GPC3: variants seen among roughly 807,000 people sequenced by gnomAD.
The protein encoded by GPC3 is glypican 3.
A neutral mutation model predicts 34.4 loss-of-function variants in GPC3; 3 were observed. That is an observed-to-expected ratio of 0.09 (90% CI 0.04 to 0.23). GPC3 has a LOEUF of 0.23. GPC3 is among the 10% of genes least tolerant of loss of function. The pLI is 1.00. For missense variants in GPC3, 351 were observed against 445.6 expected (o/e 0.79, Z 1.91); for synonymous variants, 177 against 174.0 (o/e 1.02, Z -0.13).
intron 2 of GPC3, among the ~76,000 whole-genome samples, chrX:133,839,655 G>A (rs774521325): frequency 9.0e-6 from 1 of 110,680 alleles, no homozygotes; most frequent in East Asian, 2.8e-4. Flanking sequence ...AACAGGCCTG[G>A]CGTGGTGGCT....
chrX:133,570,278 C>T (rs7059621), intron 7 of GPC3, among the ~76,000 whole-genome samples: 5,351 of 109,675 alleles, frequency 0.049, 353 homozygotes, highest in African/African-American at 0.17. Context: ...CTCGGGTCAC[C>T]GCAACCTCCG....
At chrX:133,712,843 C>G (rs2071283127) in intron 3 of GPC3, among the ~76,000 whole-genome samples, 1 of 110,865 alleles carries the variant, frequency 9.0e-6, no homozygotes, top group Admixed American at 9.6e-5. Context: ...CGAGATCACA[C>G]CACTGCACTC....
At chrX:133,684,511 G>A (rs149363590) in intron 5 of GPC3, among the ~76,000 whole-genome samples, 1,523 of 111,708 alleles carry the variant, frequency 0.014, 25 homozygotes, top group African/African-American at 0.045. Context: ...TCTGACTTAT[G>A]CCTGAATCAA....
At chrX:133,924,453 C>T (rs915055544) in intron 2 of GPC3, among the ~76,000 whole-genome samples, 1 of 111,869 alleles carries the variant, frequency 8.9e-6, no homozygotes, top group African/African-American at 3.2e-5. Flanking sequence ...CTCCAATTCA[C>T]CCCCAATTCT....
In GPC3 at chrX:133,671,243, C is replaced by T. The variant is rs949548951; in HGVS notation, c.1293-9393G>A. 4.4e-6 allele frequency: 5 copies of T among 1,124,754 alleles called. No homozygotes were observed. The South Asian group carries it at 7.3e-5, about 16-fold the overall frequency. The allele number at this position is 1,124,754 out of a possible 1,213,427, so 92.7% of individuals were successfully genotyped here. A position where few individuals can be genotyped will look rare whatever the true frequency, so the allele number is the denominator to read the frequency against. The stretch of plus-strand genomic sequence containing the variant: ...CCTGGATTATGCAAAGAAAAATGAA[C>T]CCAAACATAGACTTGCAAGACATGG... On this transcript the variant is annotated intron_variant, in intron 5 of 7. Coordinates refer to ENST00000370818, the MANE Select transcript of GPC3 (RefSeq NM_004484.4).
At chrX:133,569,160 C>T (rs183575395) in intron 7 of GPC3, among the ~76,000 whole-genome samples, 96 of 111,347 alleles carry the variant, frequency 8.6e-4, no homozygotes, top group African/African-American at 3.0e-3. Flanking sequence ...AAAGTGAGAC[C>T]TTGTCTCACA....
chrX:133,846,625 C>T, intron 2 of GPC3, among the ~76,000 whole-genome samples: 1 of 111,495 alleles, frequency 9.0e-6, no homozygotes, highest in East Asian at 2.8e-4. Flanking sequence ...CATGAAAAGG[C>T]AGAACTCACT....
chrX:133,561,138 A>T (rs2069536999), intron 7 of GPC3, among the ~76,000 whole-genome samples: 1 of 112,517 alleles, frequency 8.9e-6, no homozygotes, highest in African/African-American at 3.2e-5. Flanking sequence ...ATTTTAAAAT[A>T]CCAACTCACC....
intron 3 of GPC3, among the ~76,000 whole-genome samples, chrX:133,703,561 C>T (rs974538121): frequency 1.8e-5 from 2 of 108,401 alleles, no homozygotes; most frequent in African/African-American, 6.8e-5. Context: ...CCTGGGTTCA[C>T]GCCATTCTCC....
At chrX:133,687,184 C>T (rs1016258655) in intron 5 of GPC3, among the ~76,000 whole-genome samples, 11 of 99,203 alleles carry the variant, frequency 1.1e-4, no homozygotes, top group Admixed American at 2.2e-4. Flanking sequence ...CCTCGTGATC[C>T]GCCTGCCTCG....
At chrX:133,748,848 G>A (rs2071633301) in intron 3 of GPC3, among the ~76,000 whole-genome samples, 1 of 111,703 alleles carries the variant, frequency 9.0e-6, no homozygotes. Flanking sequence ...GCCACTAATT[G>A]CCTGTGGAAC....
intron 7 of GPC3, among the ~76,000 whole-genome samples, chrX:133,554,852 C>G (rs964131159): frequency 1.8e-5 from 2 of 111,947 alleles, no homozygotes; most frequent in African/African-American, 3.3e-5. Flanking sequence ...TTACTCCATT[C>G]ATGAGTTGCA....
chrX:133,845,796 T>C (rs1257018178), intron 2 of GPC3, among the ~76,000 whole-genome samples: 1 of 112,254 alleles, frequency 8.9e-6, no homozygotes, highest in Non-Finnish European at 1.9e-5. Context: ...CTCACAGTTT[T>C]AATGAGATCC....
At chrX:133,863,859 G>T (rs1473647909) in intron 2 of GPC3, among the ~76,000 whole-genome samples, 1 of 103,838 alleles carries the variant, frequency 9.6e-6, no homozygotes, top group African/African-American at 3.6e-5. Flanking sequence ...GTTTCACCTT[G>T]TTAGCCAGGA....
At chrX:133,577,381 C>T (rs767634550) in intron 7 of GPC3, among the ~76,000 whole-genome samples, 36 of 112,424 alleles carry the variant, frequency 3.2e-4, no homozygotes, top group Non-Finnish European at 5.3e-4. Flanking sequence ...CATACACATA[C>T]ATACCCATAG....
chrX:133,674,988 G>A (rs1462311519), intron 5 of GPC3, among the ~76,000 whole-genome samples: 1 of 111,485 alleles, frequency 9.0e-6, no homozygotes, highest in Non-Finnish European at 1.9e-5. Flanking sequence ...ACGTTTGGGA[G>A]AGAGGCAAGT....
chrX:133,698,197 G>A (rs765869825), intron 4 of GPC3, among the ~76,000 whole-genome samples: 2 of 112,213 alleles, frequency 1.8e-5, no homozygotes, highest in African/African-American at 3.2e-5. Context: ...GGGCAAAGAA[G>A]GGAGAAGCTG....
intron 7 of GPC3, among the ~76,000 whole-genome samples, chrX:133,596,080 G>A (rs2069911523): frequency 9.0e-6 from 1 of 111,345 alleles, no homozygotes; most frequent in Non-Finnish European, 1.9e-5. Flanking sequence ...GGGGGTTTAT[G>A]GTACAGGTTA....
chrX:133,676,488 A>G (rs938899160), intron 5 of GPC3, among the ~76,000 whole-genome samples: 4 of 112,291 alleles, frequency 3.6e-5, no homozygotes, highest in African/African-American at 1.3e-4. Context: ...CAGCAATAAC[A>G]TAACATGAAA....
Sources: gnomAD v4.1 joint callset for allele counts (sites outside exome capture counted in the v4.1 genomes callset) on GRCh38, gnomAD v4.1.1 for gene constraint, MANE v1.5 for transcripts, NCBI Gene and HGNC (gene_info 2026-07-23, HGNC 2026-07-21) for gene names.